The following DAP variants were observed in gnomAD, a reference collection of about 807,000 sequenced individuals.
DAP encodes the protein death associated protein.
In DAP, 8 loss-of-function variants were observed where a neutral mutation model predicts 13.8. The ratio of observed to expected loss-of-function variants is 0.58; its 90% CI spans 0.34 to 1.05. The LOEUF (loss-of-function observed/expected upper bound fraction) is 1.05, where lower values mean the gene tolerates loss of function less well. DAP is among the 50% of genes least tolerant of loss of function. DAP has a pLI of 0.03. For synonymous variants in DAP, 47 were observed against 47.5 expected (o/e 0.99, Z 0.04); for missense variants, 106 against 133.2 (o/e 0.80, Z 1.01).
At chr5:10,722,114 TTAA>T (rs1333788134) in intron 2 of DAP, among the ~76,000 whole-genome samples, 1 of 152,180 alleles carries the variant, frequency 6.6e-6, no homozygotes, top group Non-Finnish European at 1.5e-5. Flanking sequence ...CTTGTGGTGG[TTAA>T]TAATGAGTGT....
chr5:10,736,147 G>A (rs905536988), intron 2 of DAP, among the ~76,000 whole-genome samples: 3 of 152,190 alleles, frequency 2.0e-5, no homozygotes, highest in Admixed American at 1.3e-4. Flanking sequence ...ACAGGCCTGC[G>A]ACAGACCTTC....
chr5:10,714,074 G>A (rs563701784), intron 2 of DAP, among the ~76,000 whole-genome samples: 21 of 152,310 alleles, frequency 1.4e-4, no homozygotes, highest in Non-Finnish European at 2.2e-4. Context: ...AAAGTTGTCT[G>A]ATGTAATAAA....
At position 10,761,179 on chromosome 5, in the gene DAP, G is replaced by T; in HGVS notation, c.-111C>A. 1.9e-6 allele frequency: 1 copy of T among 540,262 alleles called. No homozygotes were observed. The highest frequency in any genetic ancestry group is 2.6e-6 in the Non-Finnish European group (1 of 383,378). The allele number at this position is 540,262 out of a possible 1,614,324, so 33.5% of individuals were successfully genotyped here. A position where few individuals can be genotyped will look rare whatever the true frequency, so the allele number is the denominator to read the frequency against. ...CCGGGGAGCGAGCGGGCGGGAGAAC[G>T]ACGCGCGCGCGTGGGGCGCCGGGGC... is the stretch of plus-strand genomic sequence containing the variant. On this transcript the variant is annotated 5_prime_UTR_variant, in exon 1 of 4. Transcript: ENST00000230895.
chr5:10,706,784 C>G lies in DAP; in HGVS notation c.153-23213G>C, dbSNP rs572176201. On this transcript the variant is annotated intron_variant, in intron 2 of 3. Transcript: ENST00000230895. ...AAATTGTACCTAATGAAGAGGCCAACAGATGTGTGCACCTGATCCTATGCT... is the reference window on the plus strand; with the variant it reads ...AAATTGTACCTAATGAAGAGGCCAAGAGATGTGTGCACCTGATCCTATGCT... Among the ~76,000 whole-genome samples, 4 of 152,334 alleles carry G rather than the reference C, an allele frequency of 2.6e-5. No individual in the cohort carries two copies. In the East Asian group the frequency reaches 7.7e-4, roughly 29 times the overall value.
rs116280613 is a variant in DAP at position 10,691,355 on chromosome 5, A to C, written c.153-7784T>G. Among the ~76,000 whole-genome samples the C allele has an allele frequency of 5.0e-3, 761 of 152,396 alleles. 6 individuals carry two copies. Among genetic ancestry groups the C allele is most frequent in the African/African-American group, 0.017 (718 of 41,596 alleles). On this transcript the variant is annotated intron_variant, in intron 2 of 3. Transcript: ENST00000230895. The stretch of plus-strand genomic sequence containing the variant: ...ATCCTTTTTTCCAACTATAATTAAC[A>C]GCAACTTAAATTGGCAAATAATTAT...
chr5:10,737,205 C>T (rs1364948678), intron 2 of DAP, among the ~76,000 whole-genome samples: 1 of 152,040 alleles, frequency 6.6e-6, no homozygotes, highest in Non-Finnish European at 1.5e-5. Flanking sequence ...ATTAGCTGGG[C>T]ATGGTGGCAT....
intron 2 of DAP, among the ~76,000 whole-genome samples, chr5:10,746,332 T>TG (rs940342345): frequency 1.5e-5 from 2 of 133,010 alleles, no homozygotes; most frequent in African/African-American, 6.4e-5. Context: ...GTTTTTTTTT[T>TG]GTTTTTTTTT....
chr5:10,699,482 C>A (rs1324755473), intron 2 of DAP, among the ~76,000 whole-genome samples: 1 of 152,194 alleles, frequency 6.6e-6, no homozygotes, highest in Non-Finnish European at 1.5e-5. Context: ...ACAGGCCACA[C>A]CTGTGAGGTT....
At position 10,744,422 on chromosome 5, in the gene DAP, T is replaced by A. The variant is rs186990279; in HGVS notation, c.152+3753A>T. Reference sequence around the variant, plus strand: ...TTCCATACCTGAAGTAAAACCAGCCTAGTCCCCTGAAACCTTATTGTAAAG... The same window carrying A: ...TTCCATACCTGAAGTAAAACCAGCCAAGTCCCCTGAAACCTTATTGTAAAG... On this transcript the variant is annotated intron_variant, in intron 2 of 3. Coordinates refer to ENST00000230895, the MANE Select transcript of DAP (RefSeq NM_004394.3). 9.4e-4 allele frequency among the ~76,000 whole-genome samples: 143 copies of A among 152,364 alleles called. 1 individual carries two copies. Among genetic ancestry groups the A allele is most frequent in the Admixed American group, 4.4e-3 (67 of 15,304 alleles).
At chr5:10,718,261 C>T (rs768780154) in intron 2 of DAP, among the ~76,000 whole-genome samples, 14 of 152,166 alleles carry the variant, frequency 9.2e-5, no homozygotes, top group South Asian at 2.1e-4. Flanking sequence ...ATGTCATTAA[C>T]GGAGCTTTAG....
chr5:10,736,710 G>C (rs1739621979), intron 2 of DAP, among the ~76,000 whole-genome samples: 2 of 152,226 alleles, frequency 1.3e-5, no homozygotes, highest in South Asian at 2.1e-4. Context: ...AACCTGACAG[G>C]AAGAACTGCC....
chr5:10,719,890 C>T (rs1355008140), intron 2 of DAP, among the ~76,000 whole-genome samples: 1 of 152,202 alleles, frequency 6.6e-6, no homozygotes, highest in Non-Finnish European at 1.5e-5. Flanking sequence ...AATATGCAGG[C>T]ACCACCCAAA....
chr5:10,745,032 C>A (rs1161452124), intron 2 of DAP, among the ~76,000 whole-genome samples: 1 of 152,198 alleles, frequency 6.6e-6, no homozygotes, highest in African/African-American at 2.4e-5. Context: ...TAGCACAGAT[C>A]AAATGAATTA....
At chr5:10,753,573 A>G (rs1027703598) in intron 1 of DAP, among the ~76,000 whole-genome samples, 1 of 152,242 alleles carries the variant, frequency 6.6e-6, no homozygotes, top group Non-Finnish European at 1.5e-5. Context: ...TGGGCCAAGC[A>G]TCCGTCCTCA....
rs747527160 is a variant in DAP at position 10,683,579 on chromosome 5, AAAAG to A, written c.153-12_153-9del. 101 of 1,613,800 alleles carry A rather than the reference AAAAG, an allele frequency of 6.3e-5. No homozygotes were observed. The highest frequency in any genetic ancestry group is 2.5e-4 in the Admixed American group (15 of 59,990). On this transcript the variant is annotated splice_polypyrimidine_tract_variant and intron_variant, in intron 2 of 3. Coordinates refer to ENST00000230895, the MANE Select transcript of DAP (RefSeq NM_004394.3). Reference sequence around the variant, plus strand: ...ACAGTGGGTTTAGGTGGACTGGAAAAAAAGAAGGGAAAAGGCAGATTTAACAAAA... The same window carrying A: ...ACAGTGGGTTTAGGTGGACTGGAAAAAAGGGAAAAGGCAGATTTAACAAAA...
At chr5:10,740,573 T>C (rs1448295709) in intron 2 of DAP, among the ~76,000 whole-genome samples, 2 of 151,382 alleles carry the variant, frequency 1.3e-5, no homozygotes, top group African/African-American at 2.4e-5. Context: ...CAGAGAAAAA[T>C]GACAAGAATT....
intron 2 of DAP, among the ~76,000 whole-genome samples, chr5:10,701,320 T>C (rs1252276425): frequency 6.6e-6 from 1 of 152,196 alleles, no homozygotes. Flanking sequence ...AGCTGTATCA[T>C]GGAGAACGCA....
At chr5:10,708,977 A>C (rs1225143446) in intron 2 of DAP, among the ~76,000 whole-genome samples, 2 of 152,222 alleles carry the variant, frequency 1.3e-5, no homozygotes, top group Non-Finnish European at 2.9e-5. Flanking sequence ...AGAATATTAA[A>C]ATCAAAAGAC....
chr5:10,700,203 A>T (rs1343763786), intron 2 of DAP, among the ~76,000 whole-genome samples: 2 of 152,196 alleles, frequency 1.3e-5, no homozygotes, highest in Admixed American at 6.5e-5. Flanking sequence ...TTGAGGCGCT[A>T]TGTACACGTA....
Sources: allele counts gnomAD v4.1 joint callset (sites outside exome capture counted in the v4.1 genomes callset), GRCh38; gene constraint gnomAD v4.1.1; transcripts MANE v1.5; gene names NCBI Gene and HGNC (gene_info 2026-07-23, HGNC 2026-07-21).